Variants in OSBPL10 observed in about 807,000 individuals in gnomAD.
OSBPL10 encodes oxysterol binding protein like 10.
OSBPL10 carries 49 observed loss-of-function variants against 81.7 expected under a neutral mutation model. That is an observed-to-expected ratio of 0.60 (90% CI 0.48 to 0.76). OSBPL10 has a LOEUF of 0.76. Ranked by LOEUF, OSBPL10 falls within the 30% of genes least tolerant of loss-of-function variation. The pLI is 0.00. For missense variants in OSBPL10, 923 were observed against 987.8 expected (o/e 0.93, Z 0.88); for synonymous variants, 419 against 383.6 (o/e 1.09, Z -1.08).
At chr3:32,022,311 T>C (rs776610474) in intron 2 of OSBPL10, among the ~76,000 whole-genome samples, 7 of 152,104 alleles carry the variant, frequency 4.6e-5, no homozygotes, top group South Asian at 2.1e-4. Context: ...ACAGGGAGAA[T>C]TGGGCAGCTC....
chr3:32,041,119 G>A lies in OSBPL10; in HGVS notation n.298+5372C>T, dbSNP rs182696833. Reference sequence around the variant, plus strand: ...AATTAGCCCGGAGCCAGCTTCCTCCGTGCCACATACACCCCATGCCACTCT... The same window carrying A: ...AATTAGCCCGGAGCCAGCTTCCTCCATGCCACATACACCCCATGCCACTCT... On this transcript the variant is annotated intron_variant and non_coding_transcript_variant, in intron 2 of 3. Transcript: ENST00000479173. Among the ~76,000 whole-genome samples, 401 of 152,186 alleles carry A rather than the reference G, an allele frequency of 2.6e-3. 2 individuals carry two copies. The highest frequency in any genetic ancestry group is 7.8e-3 in the Admixed American group (119 of 15,282).
At chr3:31,930,005 A>C (rs1298840108) in intron 1 of OSBPL10, among the ~76,000 whole-genome samples, 15,025 of 111,518 alleles carry the variant, frequency 0.13, 1,072 homozygotes, top group South Asian at 0.26. Context: ...TCACCAACCA[A>C]AAAAAAAAAA....
intron 4 of OSBPL10, among the ~76,000 whole-genome samples, chr3:31,804,376 G>A (rs1699472850): frequency 6.6e-6 from 1 of 152,176 alleles, no homozygotes; most frequent in Admixed American, 6.5e-5. Context: ...AACCCTGCTT[G>A]AGGGCACTCA....
chr3:31,873,128 C>T (rs1701373430), intron 3 of OSBPL10, among the ~76,000 whole-genome samples: 1 of 149,842 alleles, frequency 6.7e-6, no homozygotes, highest in Non-Finnish European at 1.5e-5. Flanking sequence ...GTGGTGGTTA[C>T]TCGACTCTAT....
At chr3:31,771,859 TTCTC>T (rs1235953255) in intron 4 of OSBPL10, among the ~76,000 whole-genome samples, 3 of 152,220 alleles carry the variant, frequency 2.0e-5, no homozygotes, top group African/African-American at 7.2e-5. Flanking sequence ...ACTCTCTTCT[TTCTC>T]AGTTCCTCTG....
chr3:31,787,803 CA>C (rs1698897655), intron 4 of OSBPL10, among the ~76,000 whole-genome samples: 4 of 151,890 alleles, frequency 2.6e-5, no homozygotes, highest in Admixed American at 2.0e-4. Context: ...AGGTGCAGTT[CA>C]GAATAATTTC....
chr3:31,863,480 G>A (rs1484977017), intron 3 of OSBPL10, among the ~76,000 whole-genome samples: 1 of 152,188 alleles, frequency 6.6e-6, no homozygotes, highest in Non-Finnish European at 1.5e-5. Context: ...CCACTTGTTA[G>A]CTATGCCACC....
chr3:31,897,747 C>T (rs934539086), intron 1 of OSBPL10, among the ~76,000 whole-genome samples: 11 of 152,050 alleles, frequency 7.2e-5, no homozygotes, highest in Admixed American at 2.0e-4. Flanking sequence ...CAGTGGCTCA[C>T]GCCTGTAATC....
chr3:31,736,567 C>T (rs187738903), intron 5 of OSBPL10, among the ~76,000 whole-genome samples: 8 of 152,282 alleles, frequency 5.3e-5, no homozygotes, highest in Non-Finnish European at 5.9e-5. Flanking sequence ...CCTCAGAAAC[C>T]TCAAACTGGA....
intron 1 of OSBPL10, among the ~76,000 whole-genome samples, chr3:32,049,874 T>C (rs1392197425): frequency 6.6e-6 from 1 of 152,224 alleles, no homozygotes; most frequent in Non-Finnish European, 1.5e-5. Flanking sequence ...GGTCTTTCTC[T>C]GGCCTCCCCG....
chr3:31,982,582 G>A (rs527392752), upstream of OSBPL10, among the ~76,000 whole-genome samples: 33 of 152,114 alleles, frequency 2.2e-4, no homozygotes, highest in African/African-American at 7.2e-4. Flanking sequence ...GCACGGAGAA[G>A]CTTCTGGAGT....
intron 6 of OSBPL10, among the ~76,000 whole-genome samples, chr3:31,729,429 CT>C (rs1274381856): frequency 2.0e-5 from 3 of 152,010 alleles, no homozygotes; most frequent in Non-Finnish European, 4.4e-5. Context: ...TTAGACTTTT[CT>C]TTTTTGGAGG....
Position 31,921,099 on chromosome 3 carries a change from C to T in OSBPL10, c.282-41269G>A, listed in dbSNP as rs562450238. 3.9e-5 allele frequency among the ~76,000 whole-genome samples: 6 copies of T among 152,248 alleles called. No individual in the cohort carries two copies. The South Asian group carries it at 1.2e-3, about 32-fold the overall frequency. On this transcript the variant is annotated intron_variant, in intron 1 of 11. Coordinates refer to ENST00000396556, the MANE Select transcript of OSBPL10 (RefSeq NM_017784.5). ...AACTAGAGGAGGAATCTAGATTAAT[C>T]CATGTGCTAATAGGCTAGGGTTCAG...
intron 4 of OSBPL10, among the ~76,000 whole-genome samples, chr3:31,764,838 G>C (rs1388971677): frequency 6.6e-6 from 1 of 152,082 alleles, no homozygotes; most frequent in South Asian, 2.1e-4. Context: ...TTATCTGAAT[G>C]AGTTCCAGGC....
At chr3:32,049,736 G>GCCT (rs1326287669) in intron 1 of OSBPL10, among the ~76,000 whole-genome samples, 1 of 152,158 alleles carries the variant, frequency 6.6e-6, no homozygotes, top group Non-Finnish European at 1.5e-5. Context: ...ACAAGATTAT[G>GCCT]GGACATGGAG....
chr3:32,048,563 T>G (rs1298994666), intron 1 of OSBPL10, among the ~76,000 whole-genome samples: 7 of 152,162 alleles, frequency 4.6e-5, no homozygotes, highest in African/African-American at 1.7e-4. Flanking sequence ...CGCCTTGGCC[T>G]CCTAAAGTGG....
chr3:31,938,749 C>T (rs182787991), intron 1 of OSBPL10, among the ~76,000 whole-genome samples: 13 of 152,220 alleles, frequency 8.5e-5, no homozygotes, highest in Admixed American at 5.9e-4. Flanking sequence ...CTGTCTCAGC[C>T]TCCTAAAGTG....
At chr3:31,896,656 T>C (rs1696067500) in intron 1 of OSBPL10, among the ~76,000 whole-genome samples, 1 of 152,220 alleles carries the variant, frequency 6.6e-6, no homozygotes, top group South Asian at 2.1e-4. Context: ...CACATCATTG[T>C]CATGGGCAGA....
intron 8 of OSBPL10, among the ~76,000 whole-genome samples, chr3:31,671,837 G>A (rs897393814): frequency 2.9e-4 from 44 of 152,236 alleles, no homozygotes; most frequent in African/African-American, 9.6e-4. Context: ...CAGGACTGCC[G>A]TAGAGTTGTA....
Sources: allele counts gnomAD v4.1 joint callset (sites outside exome capture counted in the v4.1 genomes callset), GRCh38; gene constraint gnomAD v4.1.1; transcripts MANE v1.5; gene names NCBI Gene and HGNC (gene_info 2026-07-23, HGNC 2026-07-21).